The following E2F5 variants were observed in gnomAD, a reference collection of about 807,000 sequenced individuals.
E2F5 encodes E2F transcription factor 5, also known as transcription factor E2F5.
A neutral mutation model predicts 39.1 loss-of-function variants in E2F5; 23 were observed. The observed-to-expected ratio is 0.59, with a 90% CI of 0.42 to 0.83. The LOEUF (loss-of-function observed/expected upper bound fraction) is 0.83, where lower values mean the gene tolerates loss of function less well. E2F5 is among the 40% of genes least tolerant of loss of function. E2F5 has a pLI of 0.00. For missense variants in E2F5, 365 were observed against 406.7 expected, an observed-to-expected ratio of 0.90 and a Z score of 0.88; for synonymous variants, 145 against 157.8, an observed-to-expected ratio of 0.92 and a Z score of 0.61.
chr8:85,200,097 A>C (rs977814482), intron 1 of E2F5, among the ~76,000 whole-genome samples: 3 of 152,132 alleles, frequency 2.0e-5, no homozygotes, highest in Non-Finnish European at 4.4e-5. Flanking sequence ...AAATACAAAA[A>C]TTAGCCAGTC....
intron 6 of E2F5, 80 bp from the exon 7 acceptor site, chr8:85,212,077 C>A: frequency 9.2e-7 from 1 of 1,088,424 alleles, no homozygotes; most frequent in Non-Finnish European, 1.4e-6. Context: ...AGTCAAGCTG[C>A]TGCTGTGACT....
At chr8:85,213,720 A>G in intron 7 of E2F5, 33 bp from the exon 8 acceptor site, 2 of 1,180,274 alleles carry the variant, frequency 1.7e-6, no homozygotes, top group South Asian at 2.5e-5. Context: ...TGTAGAAACC[A>G]TCTTTAACAC....
intron 5 of E2F5, 74 bp downstream of exon 5, chr8:85,207,563 C>A: frequency 1.6e-6 from 2 of 1,276,712 alleles, no homozygotes; most frequent in Admixed American, 2.4e-5. Context: ...TTTTCTTTAG[C>A]TGAATGTGAG....
intron 5 of E2F5, 128 bp from the exon 6 acceptor site, chr8:85,209,014 C>G (rs1812858078): frequency 2.1e-6 from 2 of 956,022 alleles, no homozygotes; most frequent in Non-Finnish European, 1.5e-6. Flanking sequence ...TGTGTTTTGA[C>G]TTAATGACTT....
At chr8:85,209,102 T>C (rs1812860740) in intron 5 of E2F5, 40 bp from the exon 6 acceptor site, 2 of 1,589,684 alleles carry the variant, frequency 1.3e-6, no homozygotes, top group South Asian at 1.1e-5. Flanking sequence ...GCTAGAAATG[T>C]TAATAATTAT....
intron 1 of E2F5, among the ~76,000 whole-genome samples, chr8:85,201,482 A>T (rs929214362): frequency 2.0e-5 from 3 of 152,260 alleles, no homozygotes; most frequent in Non-Finnish European, 4.4e-5. Context: ...TCATAACATG[A>T]TAGCATATAT....
chr8:85,195,245 T>C (rs1465750688), intron 1 of E2F5, among the ~76,000 whole-genome samples: 1 of 151,990 alleles, frequency 6.6e-6, no homozygotes, highest in African/African-American at 2.4e-5. Context: ...TAGCCAGATG[T>C]GGTGGCATGC....
intron 1 of E2F5, among the ~76,000 whole-genome samples, chr8:85,188,735 C>G (rs72682912): frequency 2.1e-4 from 32 of 152,248 alleles, no homozygotes; most frequent in African/African-American, 7.2e-4. Flanking sequence ...TCAGTCTATG[C>G]GCACTAGCCT....
At chr8:85,202,323 T>A in intron 2 of E2F5, 67 bp downstream of exon 2, 1 of 1,150,030 alleles carries the variant, frequency 8.7e-7, no homozygotes, top group Middle Eastern at 2.8e-4. Flanking sequence ...AAATTTGACC[T>A]TCCCAATGTT....
In E2F5 at chr8:85,203,589, G is replaced by A. The variant is rs187219797; in HGVS notation, c.506+334G>A. Among the ~76,000 whole-genome samples the A allele has an allele frequency of 1.1e-4, 16 of 151,680 alleles. No homozygotes were observed. The East Asian group carries it at 2.1e-3, about 20-fold the overall frequency. On this transcript the variant is annotated intron_variant, in intron 3 of 7. Transcript: ENST00000416274. ...TTAGAAGCCATTGTTAAGTACATTT[G>A]TATTTTTAAATAATTATGTTCAGTG...
chr8:85,199,615 A>C (rs990155529), intron 1 of E2F5, among the ~76,000 whole-genome samples: 1 of 152,178 alleles, frequency 6.6e-6, no homozygotes. Context: ...ATTAGTTTTT[A>C]AAGAATTCAC....
rs1400008515 is a variant in E2F5 at position 85,214,156 on chromosome 8, TAAG to T, written c.*295_*297del. 1.9e-6 allele frequency: 1 copy of T among 538,810 alleles called. No individual in the cohort carries two copies. The highest frequency in any genetic ancestry group is 3.5e-6 in the Non-Finnish European group (1 of 282,936). The allele number at this position is 538,810 out of a possible 1,614,324, so 33.4% of individuals were successfully genotyped here. On this transcript the variant is annotated 3_prime_UTR_variant, in exon 8 of 8. Transcript: ENST00000416274. ...TGTGAATCCTTCTGTTTTTTCTTCT[TAAG>T]GAGGAAAGTTAAAGGACACTACAGG...
intron 2 of E2F5, among the ~76,000 whole-genome samples, chr8:85,202,775 CACATCCTGA>C (rs1184449324): frequency 6.6e-6 from 1 of 152,110 alleles, no homozygotes; most frequent in Non-Finnish European, 1.5e-5. Context: ...GCACCTCAGT[CACATCCTGA>C]GACTGCTAGG....
intron 1 of E2F5, among the ~76,000 whole-genome samples, chr8:85,201,157 G>C (rs1812690414): frequency 1.3e-5 from 2 of 152,228 alleles, no homozygotes; most frequent in African/African-American, 4.8e-5. Flanking sequence ...ACTGTGCTGA[G>C]CTAGGTTTTC....
At chr8:85,177,845 AG>A in intron 1 of E2F5, 191 bp downstream of exon 1, 1 of 1,021,102 alleles carries the variant, frequency 9.8e-7, no homozygotes, top group Non-Finnish European at 1.2e-6. Flanking sequence ...ACGAGGGACC[AG>A]GATGGCACCG....
rs1812102297 is a variant in E2F5 at position 85,177,278 on chromosome 8, T to C, written c.-143T>C. 7 of 656,394 alleles carry C rather than the reference T, an allele frequency of 1.1e-5. No homozygotes were observed. Among genetic ancestry groups the C allele is most frequent in the Non-Finnish European group, 9.4e-6 (5 of 529,126 alleles). The allele number at this position is 656,394 out of a possible 1,614,324, so 40.7% of individuals were successfully genotyped here. ...GACTCCCGTGGGCGCCGCACACCTG[T>C]TGTTTGCAGCAGCCAGCGACCCGCA... is the stretch of plus-strand genomic sequence containing the variant. On this transcript the variant is annotated 5_prime_UTR_variant, in exon 1 of 8. Transcript: ENST00000416274.
chr8:85,213,560 AAG>A (rs1813003487), intron 7 of E2F5, 191 bp from the exon 8 acceptor site: 4 of 294,040 alleles, frequency 1.4e-5, no homozygotes, highest in South Asian at 1.3e-4. Flanking sequence ...AAAAAAAAAA[AAG>A]AAAAAATTAA....
intron 1 of E2F5, among the ~76,000 whole-genome samples, chr8:85,189,078 C>T (rs1812407304): frequency 6.6e-6 from 1 of 152,130 alleles, no homozygotes; most frequent in East Asian, 1.9e-4. Context: ...CTAAATAAAT[C>T]ATTGTTTTAA....
chr8:85,180,963 C>T lies in E2F5; in HGVS notation c.234+3309C>T, dbSNP rs545681164. Among the ~76,000 whole-genome samples, 26 of 151,858 alleles carry T rather than the reference C, an allele frequency of 1.7e-4. No homozygotes were observed. The South Asian group carries it at 5.0e-3, about 29-fold the overall frequency. On this transcript the variant is annotated intron_variant, in intron 1 of 7. Transcript: ENST00000416274. ...TACAATCTCAGCTCATTGTAACCTC[C>T]ACTTCCCGGGCTCAAGTGATTCTCC...
Sources: allele counts gnomAD v4.1 joint callset (sites outside exome capture counted in the v4.1 genomes callset), GRCh38; gene constraint gnomAD v4.1.1; transcripts MANE v1.5; gene names NCBI Gene and HGNC (gene_info 2026-07-23, HGNC 2026-07-21).